Variants in TBX15 observed in about 807,000 individuals in gnomAD.
The protein encoded by TBX15 is T-box transcription factor 15.
Under a neutral mutation model 53.9 loss-of-function variants are expected in TBX15, and 18 were observed. That is an observed-to-expected ratio of 0.33 (90% CI 0.23 to 0.49). The LOEUF (loss-of-function observed/expected upper bound fraction) is 0.49, where lower values mean the gene tolerates loss of function less well. Among genes scored for constraint, TBX15 ranks in the 20% least tolerant of loss-of-function variants. TBX15 has a pLI of 0.98. For synonymous variants in TBX15, 295 were observed against 278.0 expected, an observed-to-expected ratio of 1.06 and a Z score of -0.61; for missense variants, 692 against 749.5, an observed-to-expected ratio of 0.92 and a Z score of 0.90.
rs186039579 is a variant in TBX15 at position 118,902,071 on chromosome 1, A to G, written c.927-2946T>C. Among the ~76,000 whole-genome samples the G allele has an allele frequency of 1.6e-3, 238 of 152,166 alleles. 1 individual carries two copies. The highest frequency in any genetic ancestry group is 5.4e-3 in the African/African-American group (225 of 41,514). ...GTCTTATAAATATATCCTACATAGC[A>G]TATATATAAATTATTCTATAATAGA... On this transcript the variant is annotated intron_variant, in intron 6 of 7. Transcript: ENST00000369429.
Position 118,924,674 on chromosome 1 carries a change from G to C in TBX15, c.665C>G (p.Thr222Ser). 6.2e-7 allele frequency: 1 copy of C among 1,614,030 alleles called. No individual in the cohort carries two copies. The highest frequency in any genetic ancestry group is 8.5e-7 in the Non-Finnish European group (1 of 1,179,942). The change falls in exon 4 of 8, where the codon ACC (threonine) becomes AGC (serine). Residue 222 changes from threonine (T) to serine (S), a missense_variant. This residue lies in a region of TBX15 where 307 missense variants were observed against 347.5 expected (regional missense o/e 0.88). Transcript: ENST00000369429. Reference protein sequence around the residue: ...QVVSFDKLKLTNNELDDQGHI... With the variant: ...QVVSFDKLKLSNNELDDQGHI... ...TCCTTGATCATCCAACTCATTGTTG[G>C]TAAGCTTGAGTTTGTCAAAACTGAC...
chr1:118,918,933 G>C (rs1475963993), intron 5 of TBX15, among the ~76,000 whole-genome samples: 3 of 152,088 alleles, frequency 2.0e-5, no homozygotes, highest in Non-Finnish European at 4.4e-5. Flanking sequence ...TTGCTTGAAA[G>C]GTTTTCCATA....
Position 118,883,185 on chromosome 1 carries a change from A to G in TBX15, c.*1547T>C, listed in dbSNP as rs1653779933. The G allele has an allele frequency of 6.6e-6, 1 of 152,514 alleles. No homozygotes were observed. Among genetic ancestry groups the G allele is most frequent in the African/African-American group, 2.4e-5 (1 of 41,400 alleles). 9.4% of individuals were successfully genotyped at this position (152,514 alleles called of 1,614,324 possible). ...TTTTATTGCCCCCTTTTTCATATTCATAATATTGGATTCCCCACTAGGCAC... is the reference window on the plus strand; with the variant it reads ...TTTTATTGCCCCCTTTTTCATATTCGTAATATTGGATTCCCCACTAGGCAC... On this transcript the variant is annotated 3_prime_UTR_variant, in exon 8 of 8. Transcript: ENST00000369429.
rs183281969 is a variant in TBX15, at chr1:118,891,686, T to G, written c.1025-6170A>C. ...GGTACATGCCTTTTCCCATCAGATT[T>G]AAACCTCAAAATATGTAGGGCCAGG... is the stretch of plus-strand genomic sequence containing the variant. On this transcript the variant is annotated intron_variant, in intron 7 of 7. Coordinates refer to ENST00000369429, the MANE Select transcript of TBX15 (RefSeq NM_001330677.2). Among the ~76,000 whole-genome samples the G allele has an allele frequency of 3.2e-4, 49 of 152,332 alleles. No homozygotes were observed. In the East Asian group the frequency reaches 5.4e-3, roughly 17 times the overall value.
chr1:118,982,043 G>C (rs1453958210), intron 1 of TBX15, among the ~76,000 whole-genome samples: 1 of 152,184 alleles, frequency 6.6e-6, no homozygotes. Context: ...AATCATTTAA[G>C]TATTTTCTCC....
chr1:118,904,700 G>A (rs924106445), intron 6 of TBX15, among the ~76,000 whole-genome samples: 2 of 152,164 alleles, frequency 1.3e-5, no homozygotes, highest in African/African-American at 2.4e-5. Context: ...CTCAATAAGT[G>A]TAGTAATAAC....
chr1:118,968,791 T>C (rs1219026169), intron 1 of TBX15, among the ~76,000 whole-genome samples: 1 of 152,118 alleles, frequency 6.6e-6, no homozygotes, highest in African/African-American at 2.4e-5. Flanking sequence ...GATTACAGTC[T>C]ACAGTGAGCC....
At chr1:118,903,215 A>G (rs1425663137) in intron 6 of TBX15, among the ~76,000 whole-genome samples, 1 of 152,190 alleles carries the variant, frequency 6.6e-6, no homozygotes, top group Non-Finnish European at 1.5e-5. Context: ...CACTAGCCAA[A>G]CCAACAGAAT....
At chr1:118,889,259 A>C (rs373913752) in intron 7 of TBX15, among the ~76,000 whole-genome samples, 57 of 152,366 alleles carry the variant, frequency 3.7e-4, no homozygotes, top group African/African-American at 1.2e-3. Context: ...GCAGAGAACA[A>C]ACCGAGATAC....
At chr1:118,976,369 G>C (rs755496045) in intron 1 of TBX15, among the ~76,000 whole-genome samples, 23 of 152,186 alleles carry the variant, frequency 1.5e-4, no homozygotes, top group Non-Finnish European at 3.1e-4. Flanking sequence ...TCAACTAACT[G>C]GGGCAACTGG....
chr1:118,913,610 A>T (rs1655095431), intron 6 of TBX15, among the ~76,000 whole-genome samples: 1 of 152,170 alleles, frequency 6.6e-6, no homozygotes, highest in African/African-American at 2.4e-5. Context: ...GGTGTTCTGT[A>T]AACTCTCTTT....
chr1:118,966,756 G>A (rs757729519), intron 1 of TBX15, among the ~76,000 whole-genome samples: 1 of 152,146 alleles, frequency 6.6e-6, no homozygotes, highest in African/African-American at 2.4e-5. Flanking sequence ...AAGACTAGTG[G>A]TTTCATCTTC....
At position 118,917,155 on chromosome 1, in the gene TBX15, C is replaced by T. The variant is rs12043641; in HGVS notation, c.862-2976G>A. On this transcript the variant is annotated intron_variant, in intron 5 of 7. Coordinates refer to ENST00000369429, the MANE Select transcript of TBX15 (RefSeq NM_001330677.2). Reference sequence around the variant, plus strand: ...GTAGCACTATTCACAATAACAAAGACGTGGAATCAACCAAAATGCCCATCA... The same window carrying T: ...GTAGCACTATTCACAATAACAAAGATGTGGAATCAACCAAAATGCCCATCA... Among the ~76,000 whole-genome samples the T allele has an allele frequency of 0.02, 3,098 of 152,072 alleles. 242 individuals carry two copies. The East Asian group carries it at 0.27, about 13-fold the overall frequency.
chr1:118,984,080 T>C (rs559710001), intron 1 of TBX15, among the ~76,000 whole-genome samples: 1 of 152,202 alleles, frequency 6.6e-6, no homozygotes, highest in South Asian at 2.1e-4. Flanking sequence ...TCTAGATAAC[T>C]CCAAAGAAGA....
chr1:118,905,357 T>C (rs190521345), intron 6 of TBX15, among the ~76,000 whole-genome samples: 313 of 152,262 alleles, frequency 2.1e-3, no homozygotes, highest in African/African-American at 7.4e-3. Flanking sequence ...AAGCCACAGA[T>C]AACAAAATGA....
At chr1:118,977,285 A>ACACATATATATG (rs1482479283) in intron 1 of TBX15, among the ~76,000 whole-genome samples, 1 of 152,250 alleles carries the variant, frequency 6.6e-6, no homozygotes, top group African/African-American at 2.4e-5. Context: ...ATTGTTATAT[A>ACACATATATATG]CACATATATA....
At chr1:118,936,176 T>C (rs553903275) in intron 1 of TBX15, among the ~76,000 whole-genome samples, 1 of 152,302 alleles carries the variant, frequency 6.6e-6, no homozygotes, top group African/African-American at 2.4e-5. Flanking sequence ...GTGTATAAGG[T>C]CCCTTTTAAC....
chr1:118,914,060 G>A (rs1655110403), intron 6 of TBX15, 55 bp downstream of exon 6: 1 of 1,573,168 alleles, frequency 6.4e-7, no homozygotes, highest in Non-Finnish European at 8.7e-7. Flanking sequence ...TCAGCAGGAT[G>A]TGAGGGAAGT....
At chr1:118,975,308 G>A (rs547181114) in intron 1 of TBX15, among the ~76,000 whole-genome samples, 1 of 152,260 alleles carries the variant, frequency 6.6e-6, no homozygotes, top group South Asian at 2.1e-4. Flanking sequence ...TAGCAGGTAT[G>A]GAAAAGTCAC....
Sources: allele counts gnomAD v4.1 joint callset (sites outside exome capture counted in the v4.1 genomes callset), GRCh38; gene constraint gnomAD v4.1.1; regional missense constraint gnomAD v4.1.1; transcripts MANE v1.5; gene names NCBI Gene and HGNC (gene_info 2026-07-23, HGNC 2026-07-21).